Variants in BACH2 observed in about 807,000 individuals in gnomAD.
BACH2 encodes the protein transcription regulator protein BACH2.
In BACH2, 5 loss-of-function variants were observed where a neutral mutation model predicts 61.8. That is an observed-to-expected ratio of 0.08 (90% CI 0.04 to 0.17). The LOEUF is 0.17. Among genes scored for constraint, BACH2 ranks in the 10% least tolerant of loss-of-function variants. BACH2 has a pLI of 1.00. For synonymous variants in BACH2, 446 were observed against 440.1 expected (o/e 1.01, Z -0.17); for missense variants, 824 against 1,091.1 (o/e 0.76, Z 3.45).
intron 4 of BACH2, among the ~76,000 whole-genome samples, chr6:90,192,595 A>G (rs887280019): frequency 6.6e-6 from 1 of 152,114 alleles, no homozygotes; most frequent in Non-Finnish European, 1.5e-5. Context: ...GAAATATATC[A>G]TTTTTCAGCA....
chr6:90,098,520 A>T (rs1364129036), intron 4 of BACH2, among the ~76,000 whole-genome samples: 1 of 152,156 alleles, frequency 6.6e-6, no homozygotes, highest in African/African-American at 2.4e-5. Context: ...CATTTAAATA[A>T]CTTTTAAATA....
intron 7 of BACH2, among the ~76,000 whole-genome samples, chr6:89,939,652 ATTTC>A (rs1773282891): frequency 3.5e-5 from 3 of 85,918 alleles, no homozygotes; most frequent in South Asian, 3.7e-4. Context: ...GATTGCTTAT[ATTTC>A]TTTTTTTTTT....
chr6:90,259,367 C>T (rs1771085193), intron 2 of BACH2, among the ~76,000 whole-genome samples: 1 of 152,126 alleles, frequency 6.6e-6, no homozygotes, highest in South Asian at 2.1e-4. Context: ...TGCAATGTAT[C>T]ACTACTGATT....
At chr6:89,964,049 A>T (rs1282956442) in intron 6 of BACH2, among the ~76,000 whole-genome samples, 2 of 152,138 alleles carry the variant, frequency 1.3e-5, no homozygotes, top group East Asian at 1.9e-4. Context: ...CACTCTGGGG[A>T]CTGTTGTGGG....
At chr6:90,256,918 TTC>T (rs1478582208) in intron 2 of BACH2, among the ~76,000 whole-genome samples, 2 of 152,242 alleles carry the variant, frequency 1.3e-5, no homozygotes, top group Non-Finnish European at 2.9e-5. Context: ...CACTGTTGTA[TTC>T]TCTCTGCATA....
At chr6:90,193,502 C>G (rs921468184) in intron 4 of BACH2, among the ~76,000 whole-genome samples, 1 of 152,138 alleles carries the variant, frequency 6.6e-6, no homozygotes, top group Non-Finnish European at 1.5e-5. Flanking sequence ...ATCTTCGACT[C>G]CTAGTCTGCA....
intron 4 of BACH2, among the ~76,000 whole-genome samples, chr6:90,144,585 G>A (rs1430847368): frequency 2.0e-5 from 3 of 152,172 alleles, no homozygotes; most frequent in African/African-American, 4.8e-5. Context: ...CCTCAGGTTC[G>A]GGAAAGCACC....
At chr6:90,252,910 A>G (rs932847699) in intron 2 of BACH2, among the ~76,000 whole-genome samples, 7 of 152,194 alleles carry the variant, frequency 4.6e-5, no homozygotes, top group African/African-American at 1.7e-4. Context: ...CACTGTTCTC[A>G]AGGCCAGATA....
chr6:90,070,859 AG>A (rs2127801448), intron 5 of BACH2, among the ~76,000 whole-genome samples: 1 of 152,294 alleles, frequency 6.6e-6, no homozygotes, highest in South Asian at 2.1e-4. Context: ...TCTCTTCTCC[AG>A]GCTAACCTTT....
At chr6:90,283,085 G>C (rs1258164821) in intron 1 of BACH2, among the ~76,000 whole-genome samples, 3 of 152,164 alleles carry the variant, frequency 2.0e-5, no homozygotes, top group Non-Finnish European at 4.4e-5. Flanking sequence ...ATTTTAATCT[G>C]CATGTGTTTG....
At chr6:90,235,233 T>C (rs1466206648) in intron 3 of BACH2, among the ~76,000 whole-genome samples, 1 of 152,130 alleles carries the variant, frequency 6.6e-6, no homozygotes, top group African/African-American at 2.4e-5. Flanking sequence ...GATTAGTGTG[T>C]GGTTAAAAGC....
At chr6:90,038,263 A>AACC (rs1582244729) in intron 5 of BACH2, among the ~76,000 whole-genome samples, 1 of 152,360 alleles carries the variant, frequency 6.6e-6, no homozygotes, top group East Asian at 1.9e-4. Flanking sequence ...GCATTCATGT[A>AACC]ACCACCACCC....
chr6:90,266,728 G>A (rs1420462107), intron 2 of BACH2, among the ~76,000 whole-genome samples: 1 of 152,156 alleles, frequency 6.6e-6, no homozygotes, highest in African/African-American at 2.4e-5. Context: ...AGGAAGCAGA[G>A]AAGTGGTTTC....
intron 3 of BACH2, among the ~76,000 whole-genome samples, chr6:90,222,673 G>A (rs1442701215): frequency 1.3e-5 from 2 of 152,162 alleles, no homozygotes; most frequent in Non-Finnish European, 2.9e-5. Flanking sequence ...AATATGGTAC[G>A]TTCAGCATGT....
chr6:89,943,100 C>T (rs1490755541), intron 7 of BACH2, among the ~76,000 whole-genome samples: 3 of 152,144 alleles, frequency 2.0e-5, no homozygotes. Flanking sequence ...GAGTGAGCCA[C>T]CACGCCTGGC....
At position 90,045,209 on chromosome 6, in the gene BACH2, A is replaced by G. The variant is rs1342302528; in HGVS notation, c.-12-36353T>C. 3.3e-5 allele frequency among the ~76,000 whole-genome samples: 5 copies of G among 152,322 alleles called. No homozygotes were observed. In the East Asian group the frequency reaches 9.7e-4, roughly 29 times the overall value. On this transcript the variant is annotated intron_variant, in intron 5 of 8. Coordinates refer to ENST00000257749, the MANE Select transcript of BACH2 (RefSeq NM_021813.4). ...TGGCTAATCCAGACTTTTCCCTTAC[A>G]TGCGCAGAAAAGCCTGCATCCTAAA...
chr6:90,206,889 T>C (rs1769162405), intron 3 of BACH2, among the ~76,000 whole-genome samples: 1 of 152,096 alleles, frequency 6.6e-6, no homozygotes, highest in African/African-American at 2.4e-5. Context: ...CAGCTAGAAC[T>C]TTCACAGATT....
At chr6:90,054,742 C>T (rs1409392142) in intron 5 of BACH2, among the ~76,000 whole-genome samples, 1 of 152,150 alleles carries the variant, frequency 6.6e-6, no homozygotes. Context: ...CGGGCTGACA[C>T]CTCACACAGC....
At chr6:90,011,677 C>T (rs1018453323) in intron 5 of BACH2, among the ~76,000 whole-genome samples, 3 of 152,078 alleles carry the variant, frequency 2.0e-5, no homozygotes, top group African/African-American at 7.2e-5. Flanking sequence ...AATCCCAGCA[C>T]TTTGGGAGGC....
Sources: gnomAD v4.1 joint callset for allele counts (sites outside exome capture counted in the v4.1 genomes callset) on GRCh38, gnomAD v4.1.1 for gene constraint, MANE v1.5 for transcripts, NCBI Gene and HGNC (gene_info 2026-07-23, HGNC 2026-07-21) for gene names.